The following SPAG9 variants were observed in gnomAD, a reference collection of about 807,000 sequenced individuals.
The protein encoded by SPAG9 is sperm associated antigen 9, also known as C-Jun-amino-terminal kinase-interacting protein 4.
Under a neutral mutation model 166.5 loss-of-function variants are expected in SPAG9, and 35 were observed. That is an observed-to-expected ratio of 0.21 (90% CI 0.16 to 0.28). The LOEUF (loss-of-function observed/expected upper bound fraction) is 0.28, where lower values mean the gene tolerates loss of function less well. Among genes scored for constraint, SPAG9 ranks in the 10% least tolerant of loss-of-function variants. SPAG9 has a pLI of 1.00. For missense variants in SPAG9, 1,235 were observed against 1,603.3 expected (o/e 0.77, Z 3.92); for synonymous variants, 534 against 565.5 (o/e 0.94, Z 0.79).
At position 51,076,392 on chromosome 17, in the gene SPAG9, G is replaced by A. The variant is rs138528322; in HGVS notation, c.424+3192C>T. Among the ~76,000 whole-genome samples, 814 of 151,858 alleles carry A rather than the reference G, an allele frequency of 5.4e-3. 11 individuals are homozygous for A. The highest frequency in any genetic ancestry group is 3.4e-3 in the Non-Finnish European group (234 of 67,946). Reference sequence around the variant, plus strand: ...GAACAGCGATCCTGCCACTGCACACGTTAGACAGAGTGAGATCCGGTTTCA... The same window carrying A: ...GAACAGCGATCCTGCCACTGCACACATTAGACAGAGTGAGATCCGGTTTCA... On this transcript the variant is annotated intron_variant, in intron 2 of 29. Coordinates refer to ENST00000262013, the MANE Select transcript of SPAG9 (RefSeq NM_001130528.3).
rs1044199375 is a variant in SPAG9, at chr17:51,006,226, T to C, written c.1283A>G (p.Asn428Ser). ...TGCTATCAAATCATTCTTCACTATG[T>C]TCAAAGCATTTCTAAGAAACACATA... ...TQLLETKNAL[N>S]IVKNDLIAKV... The change falls in exon 11 of 30, where the codon AAC (asparagine) becomes AGC (serine). Residue 428 changes from asparagine (N) to serine (S), a missense_variant. This residue lies in a region of SPAG9 where 125 missense variants were observed against 194.0 expected (regional missense o/e 0.64). Transcript: ENST00000262013. The C allele has an allele frequency of 6.2e-7, 1 of 1,613,516 alleles. No homozygotes were observed. The highest frequency in any genetic ancestry group is 8.5e-7 in the Non-Finnish European group (1 of 1,179,832).
intron 4 of SPAG9, chr17:51,046,917 C>T: frequency 6.7e-7 from 1 of 1,494,534 alleles, no homozygotes; most frequent in Non-Finnish European, 8.9e-7. Context: ...AACTATTTTC[C>T]CCTCCACTAA....
chr17:51,040,365 C>A (rs753828902), intron 5 of SPAG9: 1 of 151,920 alleles, frequency 6.6e-6, no homozygotes, highest in South Asian at 2.1e-4. Flanking sequence ...GGTAAGGTAA[C>A]CCCTATTGTT....
chr17:51,064,817 T>C (rs570240551), intron 2 of SPAG9, among the ~76,000 whole-genome samples: 1 of 152,260 alleles, frequency 6.6e-6, no homozygotes, highest in African/African-American at 2.4e-5. Context: ...CGCTGAATTG[T>C]ACACTTCAAA....
chr17:51,046,830 C>T (rs567576777), intron 4 of SPAG9: 34 of 1,532,368 alleles, frequency 2.2e-5, no homozygotes, highest in Middle Eastern at 3.4e-4. Flanking sequence ...GACGTCATTC[C>T]GTTCTCCCCA....
intron 6 of SPAG9, among the ~76,000 whole-genome samples, chr17:51,028,949 TTAAGA>T (rs1291927555): frequency 2.0e-5 from 3 of 152,164 alleles, no homozygotes; most frequent in African/African-American, 4.8e-5. Flanking sequence ...TCTGACATCA[TTAAGA>T]TATCTTTTTC....
intron 1 of SPAG9, among the ~76,000 whole-genome samples, chr17:51,091,842 CAG>C (rs1351373709): frequency 1.3e-5 from 2 of 151,426 alleles, no homozygotes; most frequent in Admixed American, 1.3e-4. Context: ...GTGGACAATA[CAG>C]ACTTATGTCA....
chr17:51,032,946 A>C (rs952123415), intron 5 of SPAG9, among the ~76,000 whole-genome samples: 14 of 152,144 alleles, frequency 9.2e-5, no homozygotes, highest in Admixed American at 3.9e-4. Context: ...AAAAAAAATA[A>C]AAAATACAAA....
At chr17:50,972,675 C>A (rs903045008) in intron 28 of SPAG9, among the ~76,000 whole-genome samples, 3 of 152,240 alleles carry the variant, frequency 2.0e-5, no homozygotes. Flanking sequence ...ATTAATGCGA[C>A]ACACTGTAAC....
intron 1 of SPAG9, among the ~76,000 whole-genome samples, chr17:51,108,375 A>C (rs1267945683): frequency 7.1e-6 from 1 of 141,230 alleles, no homozygotes; most frequent in Non-Finnish European, 1.6e-5. Context: ...TGACAAAGCG[A>C]AAGACTGTCT....
chr17:50,967,587 A>C (rs1973458848), intron 29 of SPAG9, among the ~76,000 whole-genome samples: 1 of 152,222 alleles, frequency 6.6e-6, no homozygotes, highest in Non-Finnish European at 1.5e-5. Flanking sequence ...TTAAATTTTA[A>C]AAAATTTCAA....
chr17:51,007,689 A>G (rs1353424485), intron 9 of SPAG9: 2 of 288,676 alleles, frequency 6.9e-6, no homozygotes, highest in Non-Finnish European at 1.4e-5. Context: ...ACATAGGGTA[A>G]AAAAGAACAG....
intron 5 of SPAG9, among the ~76,000 whole-genome samples, chr17:51,039,150 A>T (rs545316238): frequency 9.2e-4 from 140 of 152,350 alleles, no homozygotes; most frequent in South Asian, 5.0e-3. Flanking sequence ...AGTAACACTA[A>T]CATTAATTAT....
intron 24 of SPAG9, among the ~76,000 whole-genome samples, chr17:50,984,470 A>G (rs1974878691): frequency 6.6e-6 from 1 of 152,168 alleles, no homozygotes. Context: ...GCAGATCACA[A>G]AGTCAGGAGA....
chr17:50,992,156 G>A (rs1207359095), intron 19 of SPAG9, among the ~76,000 whole-genome samples: 1 of 151,650 alleles, frequency 6.6e-6, no homozygotes, highest in Non-Finnish European at 1.5e-5. Context: ...TGAAAGTGCT[G>A]GGATTATGAG....
chr17:51,023,242 CTAT>C (rs1205375697), intron 6 of SPAG9: 2 of 147,296 alleles, frequency 1.4e-5, no homozygotes, highest in South Asian at 2.1e-4. Flanking sequence ...TAATTTATAA[CTAT>C]TATAATAGTA....
intron 5 of SPAG9, among the ~76,000 whole-genome samples, chr17:51,033,118 A>G (rs775719633): frequency 1.3e-5 from 2 of 152,032 alleles, no homozygotes; most frequent in African/African-American, 2.4e-5. Context: ...AACAATCACC[A>G]CAGTCAAGCC....
At chr17:51,077,009 G>GCTAT (rs1491203505) in intron 2 of SPAG9, among the ~76,000 whole-genome samples, 1,252 of 69,416 alleles carry the variant, frequency 0.018, 44 homozygotes, top group African/African-American at 0.041. Flanking sequence ...TATCTAGCTA[G>GCTAT]CTAGCTAGCT....
intron 24 of SPAG9, 72 bp from the exon 25 acceptor site, chr17:50,982,744 A>G: frequency 7.5e-7 from 1 of 1,332,726 alleles, no homozygotes; most frequent in Non-Finnish European, 1.0e-6. Context: ...GAAACATTTT[A>G]TTTGTTGTAT....
Sources: allele counts gnomAD v4.1 joint callset (sites outside exome capture counted in the v4.1 genomes callset), GRCh38; gene constraint gnomAD v4.1.1; regional missense constraint gnomAD v4.1.1; transcripts MANE v1.5; gene names NCBI Gene and HGNC (gene_info 2026-07-23, HGNC 2026-07-21).